Variants in MESD observed in about 807,000 individuals in gnomAD.
MESD encodes the protein LRP chaperone MESD.
MESD carries 7 observed loss-of-function variants against 12.9 expected under a neutral mutation model. The observed-to-expected ratio is 0.54, with a 90% CI of 0.31 to 1.02. The LOEUF is 1.02. Ranked by LOEUF, MESD falls within the 50% of genes least tolerant of loss-of-function variation. The pLI is 0.05. For missense variants in MESD, 342 were observed against 296.7 expected (o/e 1.15, Z -1.12); for synonymous variants, 126 against 115.6 (o/e 1.09, Z -0.58).
At chr15:80,959,291 G>A (rs1159840371) in intron 3 of MESD, among the ~76,000 whole-genome samples, 1 of 152,170 alleles carries the variant, frequency 6.6e-6, no homozygotes, top group African/African-American at 2.4e-5. Flanking sequence ...TGGAGCTGCC[G>A]CAGTGCCTGG....
chr15:80,984,582 G>A (rs1429627037), intron 1 of MESD, among the ~76,000 whole-genome samples: 1 of 152,202 alleles, frequency 6.6e-6, no homozygotes, highest in Non-Finnish European at 1.5e-5. Context: ...GCGATTGCCC[G>A]GGGCTGGCTA....
chr15:80,948,498 G>A, exon 5 of MESD: 2 of 441,662 alleles, frequency 4.5e-6, no homozygotes, highest in Non-Finnish European at 8.5e-6. Flanking sequence ...GTTCCTAGGA[G>A]GTCTCCTCCC....
chr15:80,984,771 A>G (rs1443084552), intron 1 of MESD, among the ~76,000 whole-genome samples: 2 of 152,252 alleles, frequency 1.3e-5, no homozygotes, highest in African/African-American at 4.8e-5. Context: ...TAAACCTGTT[A>G]CCAAAACAAA....
chr15:80,948,896 T>C lies in MESD; in HGVS notation c.*629A>G, dbSNP rs1596217719. 2.5e-6 allele frequency: 4 copies of C among 1,614,204 alleles called. No individual in the cohort carries two copies. In the East Asian group the frequency reaches 8.9e-5, roughly 36 times the overall value. On this transcript the variant is annotated splice_region_variant and 3_prime_UTR_variant, in exon 5 of 5. Coordinates refer to the MESD transcript ENST00000561312. ...GCCAAAATCTTCCAAGTTGTGCCCA[T>C]CCCTGTGGTGAAGAAGAAGAAGTTG... is the stretch of plus-strand genomic sequence containing the variant.
intron 3 of MESD, among the ~76,000 whole-genome samples, chr15:80,960,871 C>T (rs1399106859): frequency 6.6e-6 from 1 of 152,198 alleles, no homozygotes; most frequent in Non-Finnish European, 1.5e-5. Flanking sequence ...TTCCCTGGCC[C>T]TCTGGCTCCC....
Position 80,985,752 on chromosome 15 carries a change from A to C in MESD, c.214-3570T>G, listed in dbSNP as rs567819360. On this transcript the variant is annotated intron_variant, in intron 1 of 2. Coordinates refer to ENST00000261758, the MANE Select transcript of MESD (RefSeq NM_015154.3). ...TTGCAACTTCTGCCTGCCAGGCTCAAGTGATCTTCCTATCCCAGCCTCCAG... is the reference window on the plus strand; with the variant it reads ...TTGCAACTTCTGCCTGCCAGGCTCACGTGATCTTCCTATCCCAGCCTCCAG... 4.7e-5 allele frequency among the ~76,000 whole-genome samples: 7 copies of C among 150,038 alleles called. No homozygotes were observed. In the East Asian group the frequency reaches 1.4e-3, roughly 30 times the overall value.
chr15:80,947,128 G>C, downstream of MESD: 4 of 1,053,254 alleles, frequency 3.8e-6, no homozygotes, highest in East Asian at 9.8e-5. Flanking sequence ...GCCTGGCATG[G>C]AGGGTGCTGT....
rs1893235099 is a variant in MESD at position 80,989,474 on chromosome 15, G to C, written c.213+105C>G. On this transcript the variant is annotated intron_variant, in intron 1 of 2. Transcript: ENST00000261758. The stretch of plus-strand genomic sequence containing the variant: ...AGTAAGGATTCAAGGCATGAGTAGA[G>C]GAGGTTAGGGGGTCAGAAAGGTCCC... 1.8e-5 allele frequency: 24 copies of C among 1,299,676 alleles called. No homozygotes were observed. In the South Asian group the frequency reaches 2.8e-4, roughly 15 times the overall value. The allele number at this position is 1,299,676 out of a possible 1,614,324, so 80.5% of individuals were successfully genotyped here.
rs1902433945 is a variant in MESD, at chr15:80,976,993, C to G, written c.*2226G>C. The stretch of plus-strand genomic sequence containing the variant: ...GTGCAACCAGTGCAACCTGGACTGC[C>G]TTTCACACCCACCCCATCACAATTA... On this transcript the variant is annotated 3_prime_UTR_variant, in exon 3 of 3. Transcript: ENST00000261758. 1.3e-5 allele frequency: 2 copies of G among 152,828 alleles called. No individual in the cohort carries two copies. Among genetic ancestry groups the G allele is most frequent in the African/African-American group, 2.4e-5 (1 of 41,462 alleles). The allele number at this position is 152,828 out of a possible 1,614,324, so 9.5% of individuals were successfully genotyped here.
rs142020573 is a variant in MESD at position 80,967,395 on chromosome 15, A to G, written c.*288+11536T>C. 2.3e-4 allele frequency among the ~76,000 whole-genome samples: 35 copies of G among 152,318 alleles called. No homozygotes were observed. In the South Asian group the frequency reaches 5.0e-3, roughly 22 times the overall value. The stretch of plus-strand genomic sequence containing the variant: ...GAATTTGTAAGGAAGCTTCTATCCT[A>G]AGGGAGTCAGGGACCTCCTTTGCAT... On this transcript the variant is annotated intron_variant, in intron 3 of 4. Transcript: ENST00000561312.
At chr15:80,953,358 C>A (rs192104493) in intron 3 of MESD, among the ~76,000 whole-genome samples, 1 of 152,284 alleles carries the variant, frequency 6.6e-6, no homozygotes, top group Admixed American at 6.5e-5. Context: ...GAGGAACCGT[C>A]GAGCAATGGG....
chr15:80,974,723 T>G (rs1177311429), downstream of MESD, among the ~76,000 whole-genome samples: 2 of 147,478 alleles, frequency 1.4e-5, no homozygotes, highest in Non-Finnish European at 3.0e-5. Context: ...CACAGCATGC[T>G]CTAGAAGGAT....
chr15:80,989,666 G>A lies in MESD; in HGVS notation c.126C>T (p.Asp42=), dbSNP rs1315907477. Residue 42 remains aspartate (D), a synonymous_variant, in exon 1 of 3, where the codon GAC becomes GAT. Coordinates refer to ENST00000261758, the MANE Select transcript of MESD (RefSeq NM_015154.3). ...CAAEGSPGTP[D]ESTPPPRKKK... is the part of the protein sequence containing the mutation. ...TCTTCCGGGGAGGTGGGGTAGACTCGTCGGGCGTCCCGGGCGAGCCTTCGG... is the reference window on the plus strand; with the variant it reads ...TCTTCCGGGGAGGTGGGGTAGACTCATCGGGCGTCCCGGGCGAGCCTTCGG... The A allele has an allele frequency of 3.1e-6, 5 of 1,613,460 alleles. No homozygotes were observed. In the African/African-American group the frequency reaches 4.0e-5, roughly 13 times the overall value.
intron 3 of MESD, among the ~76,000 whole-genome samples, chr15:80,964,578 A>G (rs1902142919): frequency 6.6e-6 from 1 of 152,274 alleles, no homozygotes; most frequent in African/African-American, 2.4e-5. Flanking sequence ...CTACAAGGCT[A>G]CAGCAATCAA....
chr15:80,968,640 C>G (rs1388822070), intron 3 of MESD, among the ~76,000 whole-genome samples: 2 of 151,604 alleles, frequency 1.3e-5, no homozygotes, highest in Non-Finnish European at 2.9e-5. Flanking sequence ...GACCCCACCT[C>G]TTTACTTTAA....
chr15:80,979,995 C>G (rs962604839), intron 2 of MESD, among the ~76,000 whole-genome samples: 2 of 152,224 alleles, frequency 1.3e-5, no homozygotes, highest in African/African-American at 4.8e-5. Context: ...TTGAGCTTAG[C>G]AGCAAGCTGC....
Position 80,979,291 on chromosome 15 carries a change from C to CT in MESD, c.632dup (p.Lys212GlufsTer19), listed in dbSNP as rs745891632. 19 of 1,613,632 alleles carry CT rather than the reference C, an allele frequency of 1.2e-5. No homozygotes were observed. Among genetic ancestry groups the CT allele is most frequent in the African/African-American group, 2.7e-5 (2 of 74,874 alleles). On this transcript the variant is annotated frameshift_variant, in exon 3 of 3. Coordinates refer to ENST00000261758, the MANE Select transcript of MESD (RefSeq NM_015154.3). LOFTEE classifies it low-confidence loss of function (END_TRUNC). The stretch of plus-strand genomic sequence containing the variant: ...ACCGAGATTTCAGATCTCCTTCCTT[C>CT]TTTTTTTTGCCCTTGTCTTGCTTTG...
intron 3 of MESD, among the ~76,000 whole-genome samples, chr15:80,956,129 G>A (rs538383667): frequency 6.6e-6 from 1 of 152,206 alleles, no homozygotes; most frequent in Admixed American, 6.5e-5. Flanking sequence ...GGTAGAGTCT[G>A]TGGTGAGCCG....
rs555183846 is a variant in MESD at position 80,981,751 on chromosome 15, A to G, written c.446+199T>C. The stretch of plus-strand genomic sequence containing the variant: ...GCGCCTGTAGTTCCAGCTACTCGGG[A>G]GGCTGAGGCAGGAGAATCGCTTGAA... On this transcript the variant is annotated intron_variant, in intron 2 of 2. Transcript: ENST00000261758. Among the ~76,000 whole-genome samples the G allele has an allele frequency of 3.3e-5, 5 of 152,256 alleles. No homozygotes were observed. The South Asian group carries it at 1.0e-3, about 32-fold the overall frequency.
Sources: gnomAD v4.1 joint callset for allele counts (sites outside exome capture counted in the v4.1 genomes callset) on GRCh38, gnomAD v4.1.1 for gene constraint, MANE v1.5 for transcripts, NCBI Gene and HGNC (gene_info 2026-07-23, HGNC 2026-07-21) for gene names.